The following FGF14 variants were observed in gnomAD, a reference collection of about 807,000 sequenced individuals.
The protein encoded by FGF14 is fibroblast growth factor homologous factor 4.
Under a neutral mutation model 25.5 loss-of-function variants are expected in FGF14, and 5 were observed. The observed-to-expected ratio is 0.20, with a 90% CI of 0.10 to 0.41. FGF14 has a LOEUF of 0.41. Among genes scored for constraint, FGF14 ranks in the 10% least tolerant of loss-of-function variants. The pLI is 1.00. For synonymous variants in FGF14, 138 were observed against 118.3 expected, an observed-to-expected ratio of 1.17 and a Z score of -1.08; for missense variants, 222 against 320.1, an observed-to-expected ratio of 0.69 and a Z score of 2.34.
At chr13:101,956,771 A>AAC (rs983763125) in intron 1 of FGF14, among the ~76,000 whole-genome samples, 4 of 145,814 alleles carry the variant, frequency 2.7e-5, no homozygotes, top group African/African-American at 1.1e-4. Context: ...ACTTTACCAA[A>AAC]AAAAAAAAAA....
At chr13:102,015,329 T>C (rs1014517510) in intron 1 of FGF14, among the ~76,000 whole-genome samples, 1 of 152,236 alleles carries the variant, frequency 6.6e-6, no homozygotes, top group South Asian at 2.1e-4. Flanking sequence ...CAAAGGAATA[T>C]ATATTTTTAA....
At chr13:102,297,914 T>C (rs184377246) in intron 1 of FGF14, among the ~76,000 whole-genome samples, 11 of 152,230 alleles carry the variant, frequency 7.2e-5, no homozygotes, top group Admixed American at 6.5e-4. Context: ...CGTGGAAAGC[T>C]GGCCACAGTG....
intron 1 of FGF14, among the ~76,000 whole-genome samples, chr13:102,145,371 C>A (rs1457304): frequency 0.022 from 3,394 of 152,140 alleles, 138 homozygotes; most frequent in African/African-American, 0.078. Flanking sequence ...CTGTCTTGCA[C>A]CCATAGGGCT....
At chr13:102,007,038 C>T (rs1400852061) in intron 1 of FGF14, among the ~76,000 whole-genome samples, 3 of 152,046 alleles carry the variant, frequency 2.0e-5, no homozygotes, top group African/African-American at 7.2e-5. Flanking sequence ...GCCACCGCGC[C>T]CGGCCAAAAT....
intron 3 of FGF14, among the ~76,000 whole-genome samples, chr13:101,735,564 T>C (rs2036126698): frequency 6.6e-6 from 1 of 152,062 alleles, no homozygotes. Flanking sequence ...TTTCCTCCTC[T>C]TCACGCAACC....
intron 3 of FGF14, among the ~76,000 whole-genome samples, chr13:101,739,101 ATATATACATG>A (rs1360793635): frequency 1.3e-5 from 1 of 77,832 alleles, no homozygotes; most frequent in Non-Finnish European, 2.7e-5. Context: ...ATATATATAT[ATATATACATG>A]TATATATATA....
At chr13:102,130,628 G>T (rs1295801798) in intron 1 of FGF14, among the ~76,000 whole-genome samples, 1 of 152,040 alleles carries the variant, frequency 6.6e-6, no homozygotes, top group Non-Finnish European at 1.5e-5. Flanking sequence ...ACACATTTTG[G>T]CAATGACGGT....
intron 3 of FGF14, among the ~76,000 whole-genome samples, chr13:101,796,256 C>G (rs2140112938): frequency 6.6e-6 from 1 of 152,146 alleles, no homozygotes; most frequent in Non-Finnish European, 1.5e-5. Context: ...TCAATGATCA[C>G]TCTAGCAAGA....
At position 101,719,190 on chromosome 13, in the gene FGF14, AT is replaced by A. The variant is rs2034832640; in HGVS notation, c.*3640del. On this transcript the variant is annotated 3_prime_UTR_variant, in exon 5 of 5. Transcript: ENST00000376143. Reference sequence around the variant, plus strand: ...GATACGTGTCTAACTTACTTAAAGAATAAGTTTTTGGTTTTTGCTTTTAAAG... The same window carrying A: ...GATACGTGTCTAACTTACTTAAAGAAAAGTTTTTGGTTTTTGCTTTTAAAG... 1.3e-5 allele frequency: 2 copies of A among 152,144 alleles called. No individual in the cohort carries two copies. Among genetic ancestry groups the A allele is most frequent in the African/African-American group, 4.8e-5 (2 of 41,426 alleles). The allele number at this position is 152,144 out of a possible 1,614,324, so 9.4% of individuals were successfully genotyped here.
chr13:101,920,326 A>T (rs1473371169), upstream of FGF14, among the ~76,000 whole-genome samples: 1 of 152,184 alleles, frequency 6.6e-6, no homozygotes, highest in African/African-American at 2.4e-5. Flanking sequence ...TCACCAAGCT[A>T]TTGGGAGCCT....
At chr13:101,962,413 C>G (rs1467948413) in intron 1 of FGF14, among the ~76,000 whole-genome samples, 3 of 152,026 alleles carry the variant, frequency 2.0e-5, no homozygotes, top group Admixed American at 2.0e-4. Flanking sequence ...GATTTTGTAT[C>G]CTGTCTCTCT....
intron 1 of FGF14, among the ~76,000 whole-genome samples, chr13:101,977,278 G>A (rs556378058): frequency 8.5e-5 from 13 of 152,190 alleles, no homozygotes; most frequent in African/African-American, 2.4e-5. Flanking sequence ...AAACAGGAAA[G>A]TACTGCTTAT....
chr13:101,793,190 C>A (rs1050471529), intron 3 of FGF14, among the ~76,000 whole-genome samples: 3 of 152,084 alleles, frequency 2.0e-5, no homozygotes, highest in Admixed American at 2.0e-4. Flanking sequence ...ACCCCCCAGC[C>A]TCTGGTAACC....
At chr13:101,937,381 T>G (rs1285749834) in intron 1 of FGF14, among the ~76,000 whole-genome samples, 4 of 152,170 alleles carry the variant, frequency 2.6e-5, no homozygotes, top group African/African-American at 9.6e-5. Flanking sequence ...TGGGTCCTAC[T>G]GTAATCTGAC....
intron 1 of FGF14, among the ~76,000 whole-genome samples, chr13:102,166,826 C>T (rs1049217025): frequency 3.3e-5 from 5 of 152,014 alleles, no homozygotes; most frequent in African/African-American, 1.2e-4. Flanking sequence ...ATGTTGTGAC[C>T]GGAGATTCAC....
At chr13:102,060,126 C>T (rs4772440) in intron 1 of FGF14, among the ~76,000 whole-genome samples, 71,004 of 151,014 alleles carry the variant, frequency 0.47, 17,027 homozygotes, top group East Asian at 0.69. Context: ...CACAGATGCT[C>T]AACTGGTAAG....
At chr13:102,401,447 T>C in intron 1 of FGF14, 1 of 1,606,746 alleles carries the variant, frequency 6.2e-7, no homozygotes, top group African/African-American at 1.3e-5. Context: ...AGGAAAAACA[T>C]AACATGATGC....
intron 1 of FGF14, among the ~76,000 whole-genome samples, chr13:102,099,339 C>T (rs1459120357): frequency 6.6e-6 from 1 of 152,166 alleles, no homozygotes; most frequent in Non-Finnish European, 1.5e-5. Context: ...AGAGAAACAG[C>T]GTGCTCTTGC....
chr13:102,205,984 TAAAAAAAAAA>T (rs36108366), intron 1 of FGF14, among the ~76,000 whole-genome samples: 1 of 47,440 alleles, frequency 2.1e-5, no homozygotes, highest in Admixed American at 3.4e-4. Context: ...CTCCCTGTGG[TAAAAAAAAAA>T]AAAAAAAAAA....
Sources: gnomAD v4.1 joint callset for allele counts (sites outside exome capture counted in the v4.1 genomes callset) on GRCh38, gnomAD v4.1.1 for gene constraint, MANE v1.5 for transcripts, NCBI Gene and HGNC (gene_info 2026-07-23, HGNC 2026-07-21) for gene names.